The following WDR18 variants were observed in gnomAD, a reference collection of about 807,000 sequenced individuals.
WDR18 encodes WD repeat-containing protein 18.
Under a neutral mutation model 49.6 loss-of-function variants are expected in WDR18, and 33 were observed. The ratio of observed to expected loss-of-function variants is 0.67; its 90% confidence interval spans 0.50 to 0.89. The LOEUF (loss-of-function observed/expected upper bound fraction) is 0.89, where lower values mean the gene tolerates loss of function less well. Among genes scored for constraint, WDR18 ranks in the 40% least tolerant of loss-of-function variants. The probability of loss-of-function intolerance (pLI) is 0.00; values close to 1 mark genes in which losing one functional copy is unlikely to be tolerated. For synonymous variants in WDR18, 315 were observed against 263.6 expected, an observed-to-expected ratio of 1.19 and a Z score of -1.89; for missense variants, 653 against 593.6, an observed-to-expected ratio of 1.10 and a Z score of -1.04.
At chr19:985,380 G>A in intron 1 of WDR18, among the ~76,000 whole-genome samples, 1 of 152,138 alleles carries the variant, frequency 6.6e-6, no homozygotes, top group East Asian at 1.9e-4. Flanking sequence ...ATGTTGGCCA[G>A]GCTGGTCTCG....
rs916055018 is a variant in WDR18, at chr19:994,410, C to T, written c.*66C>T. On this transcript the variant is annotated 3_prime_UTR_variant, in exon 10 of 10. Coordinates refer to ENST00000585809, the MANE Select transcript of WDR18 (RefSeq NM_024100.4). ...CATGCCTCCCAGCAACCAGGGCCCG[C>T]GGGTGTGGCCCCCACCAGCCCAGGC... 30 of 1,537,764 alleles carry T rather than the reference C, an allele frequency of 2.0e-5. No individual in the cohort carries two copies. The highest frequency in any genetic ancestry group is 2.5e-5 in the Non-Finnish European group (29 of 1,144,432).
At chr19:984,247 G>C (rs1180820318), upstream of WDR18, 5 of 1,195,380 alleles carry the variant, frequency 4.2e-6, no homozygotes, top group African/African-American at 4.9e-5. Context: ...GCGCATGCGC[G>C]GGTCGGCCAC....
intron 2 of WDR18, among the ~76,000 whole-genome samples, chr19:986,792 A>G (rs1323241897): frequency 6.6e-6 from 1 of 152,256 alleles, no homozygotes; most frequent in Non-Finnish European, 1.5e-5. Flanking sequence ...TCACAAAGTC[A>G]GGCCTCTTGG....
Position 994,434 on chromosome 19 carries a change from G to A in WDR18, c.*90G>A. 1 of 1,501,438 alleles carries A rather than the reference G, an allele frequency of 6.7e-7. No homozygotes were observed. The highest frequency in any genetic ancestry group is 1.2e-5 in the South Asian group (1 of 81,434). The allele number at this position is 1,501,438 out of a possible 1,614,324, so 93.0% of individuals were successfully genotyped here. ...GCGGGTGTGGCCCCCACCAGCCCAG[G>A]CCTGGACTCTCCTCAGTTCTGTGTC... On this transcript the variant is annotated 3_prime_UTR_variant, in exon 10 of 10. Transcript: ENST00000585809.
chr19:989,939 G>A (rs1254428322), intron 3 of WDR18, 44 bp downstream of exon 3: 1 of 1,551,664 alleles, frequency 6.4e-7, no homozygotes, highest in Admixed American at 1.9e-5. Flanking sequence ...ACTGCACCCG[G>A]GCTCAGGCGG....
In WDR18 at chr19:984,587, T is replaced by C. The variant is rs1235710272; in HGVS notation, c.210+24T>C. 4.3e-6 allele frequency: 6 copies of C among 1,396,372 alleles called. No individual in the cohort carries two copies. The Admixed American group carries it at 2.0e-4, about 46-fold the overall frequency. 86.5% of individuals were successfully genotyped at this position (1,396,372 alleles called of 1,614,324 possible). Reference sequence around the variant, plus strand: ...AGGTGCGGCGGTGCGGTCTCGCTGCTGGGGTCATGGGGCGCCCGAGGCTGA... The same window carrying C: ...AGGTGCGGCGGTGCGGTCTCGCTGCCGGGGTCATGGGGCGCCCGAGGCTGA... On this transcript the variant is annotated intron_variant, in intron 1 of 9. Transcript: ENST00000585809.
In WDR18 at chr19:991,319, G is replaced by A. The variant is rs1178149704; in HGVS notation, c.899G>A (p.Ser300Asn). 2 of 1,558,856 alleles carry A rather than the reference G, an allele frequency of 1.3e-6. No homozygotes were observed. The highest frequency in any genetic ancestry group is 1.4e-5 in the African/African-American group (1 of 73,600). ...ACCGTGCGCCTCTGGGACGTGCAGA[G>A]CAAGCAGTGCATCCGGACGGTGGCC... ...DETVRLWDVQ[S>N]KQCIRTVALK... The change falls in exon 7 of 10, where the codon AGC becomes AAC. Residue 300 changes from serine (S) to asparagine (N), a missense_variant. Physicochemically the swap from Ser to Asn is conservative, Grantham distance 46. Transcript: ENST00000585809.
intron 9 of WDR18, 30 bp from the exon 10 acceptor site, chr19:994,183 T>G (rs2038599566): frequency 6.3e-7 from 1 of 1,579,698 alleles, no homozygotes; most frequent in African/African-American, 1.3e-5. Flanking sequence ...CCAGGCCACT[T>G]CTGCCCTCTG....
At chr19:983,048 C>T (rs985786518), upstream of WDR18, among the ~76,000 whole-genome samples, 8 of 152,220 alleles carry the variant, frequency 5.3e-5, no homozygotes, top group Non-Finnish European at 1.2e-4. Context: ...GCACACGACC[C>T]AGGTCAGCTG....
chr19:987,849 T>TTTTTTTTTTTTTTTTTTTTTTTTG (rs2038492625), intron 2 of WDR18, among the ~76,000 whole-genome samples: 1 of 114,362 alleles, frequency 8.7e-6, no homozygotes, highest in Non-Finnish European at 1.9e-5. Context: ...TTTTTTTTTT[T>TTTTTTTTTTTTTTTTTTTTTTTTG]TTTCAGATGA....
rs1251081175 is a variant in WDR18 at position 984,646 on chromosome 19, C to A, written c.210+83C>A. On this transcript the variant is annotated intron_variant, in intron 1 of 9. Coordinates refer to ENST00000585809, the MANE Select transcript of WDR18 (RefSeq NM_024100.4). ...GATGGGTTGGTGGGGGCCGCGTGCA[C>A]CCTTAGTCGGAATTGGCGTGGGGAG... is the stretch of plus-strand genomic sequence containing the variant. 6.9e-6 allele frequency: 9 copies of A among 1,312,890 alleles called. No individual in the cohort carries two copies. In the East Asian group the frequency reaches 2.1e-4, roughly 31 times the overall value. The allele number at this position is 1,312,890 out of a possible 1,614,324, so 81.3% of individuals were successfully genotyped here.
At chr19:983,533 A>T (rs1010330351), upstream of WDR18, among the ~76,000 whole-genome samples, 1 of 145,916 alleles carries the variant, frequency 6.9e-6, no homozygotes, top group Non-Finnish European at 1.5e-5. Flanking sequence ...AAGTGCTGGG[A>T]TTACAGGCCT....
At chr19:991,919 T>C (rs1264367709) in intron 7 of WDR18, 36 bp from the exon 8 acceptor site, 5 of 1,447,202 alleles carry the variant, frequency 3.5e-6, no homozygotes, top group Non-Finnish European at 4.5e-6. Flanking sequence ...GGGGCCTGGC[T>C]GGGATGGGGC....
upstream of WDR18, chr19:984,260 G>A (rs1468458380): frequency 2.4e-5 from 31 of 1,307,228 alleles, no homozygotes; most frequent in Non-Finnish European, 2.7e-5. Flanking sequence ...TCGGCCACCC[G>A]CTGGGGCCGC....
At position 987,829 on chromosome 19, in the gene WDR18, G is replaced by GTTTTTTTTTTTTTTTTTT. The variant is rs71174337; in HGVS notation, c.321+1860_321+1877dup. On this transcript the variant is annotated intron_variant, in intron 2 of 9. Coordinates refer to ENST00000585809, the MANE Select transcript of WDR18 (RefSeq NM_024100.4). Reference sequence around the variant, plus strand: ...ACCCCTGCTCCCCTAGCCGCCTCCAGTTTTTTTTTTTTTTTTTTTTTTTCA... The same window carrying GTTTTTTTTTTTTTTTTTT: ...ACCCCTGCTCCCCTAGCCGCCTCCAGTTTTTTTTTTTTTTTTTTTTTTTTTTTTTTTTTTTTTTTTTCA... 5.3e-3 allele frequency among the ~76,000 whole-genome samples: 483 copies of GTTTTTTTTTTTTTTTTTT among 91,772 alleles called. 63 individuals carry two copies. Among genetic ancestry groups the GTTTTTTTTTTTTTTTTTT allele is most frequent in the Non-Finnish European group, 7.3e-3 (370 of 50,842 alleles). The allele number at this position is 91,772 out of a possible 152,430, so 60.2% of individuals were successfully genotyped here. A position where few individuals can be genotyped will look rare whatever the true frequency, so the allele number is the denominator to read the frequency against.
chr19:989,187 C>T lies in WDR18; in HGVS notation c.322-575C>T, dbSNP rs1420353290. Among the ~76,000 whole-genome samples the T allele has an allele frequency of 6.3e-3, 751 of 119,640 alleles. 3 individuals are homozygous for T. The highest frequency in any genetic ancestry group is 0.012 in the African/African-American group (395 of 32,914). 78.5% of individuals were successfully genotyped at this position (119,640 alleles called of 152,430 possible). On this transcript the variant is annotated intron_variant, in intron 2 of 9. Transcript: ENST00000585809. ...CCTCCAGAGCATCTCAGTCCTCGAA[C>T]CCACAACCCCCCCCAGAGCATCTCA...
chr19:990,862 TCTC>T lies in WDR18; in HGVS notation c.612_614del (p.Ser205del). The T allele has an allele frequency of 1.9e-6, 3 of 1,606,370 alleles. No homozygotes were observed. The highest frequency in any genetic ancestry group is 1.1e-5 in the South Asian group (1 of 90,256). On this transcript the variant is annotated inframe_deletion, in exon 5 of 10. Transcript: ENST00000585809. Reference sequence around the variant, plus strand: ...TTTGCCCACCCGCAGCTATGGGAGGTCTCCTCGGGGGAGCTGCTGCTCTCCGTC... The same window carrying T: ...TTTGCCCACCCGCAGCTATGGGAGGTCTCGGGGGAGCTGCTGCTCTCCGTC...
Position 990,986 on chromosome 19 carries a change from C to G in WDR18, c.732C>G (p.Leu244=). Residue 244 remains leucine, a synonymous_variant, in exon 5 of 10, where the codon CTC becomes CTG. Transcript: ENST00000585809. ...AGGGCTCCATCTTCCAGGTCGACCTCTTCACCTGGGTGAGTGCCGCGGTCT... is the reference window on the plus strand; with the variant it reads ...AGGGCTCCATCTTCCAGGTCGACCTGTTCACCTGGGTGAGTGCCGCGGTCT... ...GSEGSIFQVD[L]FTWPGQRERS... is the part of the protein sequence containing the mutation. 1 of 1,608,754 alleles carries G rather than the reference C, an allele frequency of 6.2e-7. No individual in the cohort carries two copies. Among genetic ancestry groups the G allele is most frequent in the African/African-American group, 1.3e-5 (1 of 75,018 alleles).
intron 4 of WDR18, 32 bp from the exon 5 acceptor site, chr19:990,820 G>C (rs2038535006): frequency 6.4e-7 from 1 of 1,567,260 alleles, no homozygotes. Context: ...CCCCCTGCCG[G>C]GCCGAGCCCC....
Sources: allele counts gnomAD v4.1 joint callset (sites outside exome capture counted in the v4.1 genomes callset), GRCh38; gene constraint gnomAD v4.1.1; transcripts MANE v1.5; gene names NCBI Gene and HGNC (gene_info 2026-07-23, HGNC 2026-07-21).